ABCC2: variants seen among roughly 807,000 people sequenced by gnomAD.
The protein encoded by ABCC2 is ATP binding cassette subfamily C member 2.
In ABCC2, 157 loss-of-function variants were observed where a neutral mutation model predicts 173.4. That is an observed-to-expected ratio of 0.91 (90% CI 0.80 to 1.03). The LOEUF (loss-of-function observed/expected upper bound fraction) is 1.03, where lower values mean the gene tolerates loss of function less well. ABCC2 is among the 50% of genes least tolerant of loss of function. The pLI is 0.00. For missense variants in ABCC2, 1,822 were observed against 1,852.3 expected (o/e 0.98, Z 0.30); for synonymous variants, 657 against 693.5 (o/e 0.95, Z 0.83).
In ABCC2 at chr10:99,845,724, T is replaced by C. The variant is rs571273081; in HGVS notation, c.4088T>C (p.Val1363Ala). The C allele has an allele frequency of 2.7e-5, 44 of 1,612,562 alleles. No homozygotes were observed. The Admixed American group carries it at 4.8e-4, about 18-fold the overall frequency. The change falls in exon 29 of 32, where the codon GTA becomes GCA. Residue 1363 changes from valine (V) to alanine (A), a missense_variant. Physicochemically the swap from Val to Ala is moderately conservative, Grantham distance 64. Transcript: ENST00000647814. ...GGTGGTCAGATTATCATTGATGGAG[T>C]AGATATTGCTTCCATTGGGCTCCAC... The part of the protein sequence containing the change: ...AAGGQIIIDG[V>A]DIASIGLHDL...
chr10:99,824,780 G>A (rs368500889), intron 19 of ABCC2, among the ~76,000 whole-genome samples: 12 of 151,690 alleles, frequency 7.9e-5, no homozygotes, highest in Middle Eastern at 3.4e-3. Context: ...CGGCGTTTAC[G>A]GCCCTTAAGT....
At position 99,832,227 on chromosome 10, in the gene ABCC2, G is replaced by A. The variant is rs570076654; in HGVS notation, c.3258+96G>A. The A allele has an allele frequency of 4.7e-6, 7 of 1,488,760 alleles. No homozygotes were observed. The East Asian group carries it at 1.4e-4, about 30-fold the overall frequency. 92.2% of individuals were successfully genotyped at this position (1,488,760 alleles called of 1,614,324 possible). On this transcript the variant is annotated intron_variant, in intron 23 of 31. Transcript: ENST00000647814. ...ATGTCCCCCTAGACAACACTGTTCA[G>A]TTCCAGTTCTTTTGTCACTCAACAT...
intron 19 of ABCC2, among the ~76,000 whole-genome samples, chr10:99,823,928 G>A (rs200110630): frequency 9.2e-3 from 812 of 88,242 alleles, no homozygotes; most frequent in East Asian, 0.019. Flanking sequence ...TTTGATCCAA[G>A]TACAATGTAA....
chr10:99,848,799 C>T (rs992978374), intron 30 of ABCC2, among the ~76,000 whole-genome samples: 7 of 152,110 alleles, frequency 4.6e-5, no homozygotes, highest in Non-Finnish European at 1.0e-4. Flanking sequence ...TAGTGTGTAG[C>T]CCCAGGGAAC....
chr10:99,819,387 G>C, intron 19 of ABCC2, 118 bp downstream of exon 19: 1 of 1,010,142 alleles, frequency 9.9e-7, no homozygotes. Flanking sequence ...AAACTACCCA[G>C]AGATTCAAAC....
rs752688969 is a variant in ABCC2 at position 99,784,643 on chromosome 10, G to T, written c.69G>T (p.Leu23=). 1 of 1,614,192 alleles carries T rather than the reference G, an allele frequency of 6.2e-7. No individual in the cohort carries two copies. The highest frequency in any genetic ancestry group is 1.7e-5 in the Admixed American group (1 of 60,026). The stretch of plus-strand genomic sequence containing the variant: ...TCCTGGACAGTCCGGAGGCAGACCT[G>T]CCACTTTGTTTTGAGCAAACTGTTC... ...SSFLDSPEAD[L]PLCFEQTVLV... The change falls in exon 2 of 32, where the codon CTG becomes CTT. Residue 23 remains leucine, a synonymous_variant. Coordinates refer to ENST00000647814, the MANE Select transcript of ABCC2 (RefSeq NM_000392.5).
intron 1 of ABCC2, among the ~76,000 whole-genome samples, chr10:99,784,221 A>G (rs1590133500): frequency 6.6e-6 from 1 of 152,148 alleles, no homozygotes; most frequent in Non-Finnish European, 1.5e-5. Context: ...TCTGCCAGTG[A>G]GTTCAGTTAG....
chr10:99,832,437 G>T (rs545930978), intron 23 of ABCC2, among the ~76,000 whole-genome samples: 1 of 150,670 alleles, frequency 6.6e-6, no homozygotes, highest in African/African-American at 2.4e-5. Flanking sequence ...GGAGTACAAA[G>T]GAAAAAAAGG....
chr10:99,832,460 C>T (rs927979381), intron 23 of ABCC2, among the ~76,000 whole-genome samples: 1 of 152,246 alleles, frequency 6.6e-6, no homozygotes, highest in Admixed American at 6.5e-5. Context: ...CTAGCCCAGC[C>T]TGCGTGATAA....
At chr10:99,793,212 C>T (rs1325111716) in intron 3 of ABCC2, among the ~76,000 whole-genome samples, 1 of 152,218 alleles carries the variant, frequency 6.6e-6, no homozygotes, top group Admixed American at 6.5e-5. Flanking sequence ...GCCTTCCGAC[C>T]TTACTACTGC....
At chr10:99,836,063 T>G in intron 24 of ABCC2, 28 bp from the exon 25 acceptor site, 1 of 1,611,270 alleles carries the variant, frequency 6.2e-7, no homozygotes, top group Non-Finnish European at 8.5e-7. Flanking sequence ...ACTGCGGGAC[T>G]GGCTGATTCT....
chr10:99,829,326 G>C (rs1432019435), intron 19 of ABCC2, among the ~76,000 whole-genome samples: 1 of 152,140 alleles, frequency 6.6e-6, no homozygotes, highest in Non-Finnish European at 1.5e-5. Context: ...GACAGAAATA[G>C]GGTAAGTTAA....
In ABCC2 at chr10:99,819,263, G is replaced by A; in HGVS notation, c.2614G>A (p.Ala872Thr). ...FLRHTGPEEE[A>T]TVHDGSEEED... ...AAGACATACAGGCCCTGAAGAGGAAGCCACAGGTATGTAAGAAGGATTGGG... is the reference window on the plus strand; with the variant it reads ...AAGACATACAGGCCCTGAAGAGGAAACCACAGGTATGTAAGAAGGATTGGG... The change falls in exon 19 of 32, where the codon GCC (alanine) becomes ACC (threonine). Residue 872 changes from alanine (A) to threonine (T), a missense_variant. By Grantham distance (58) the Ala-to-Thr change is moderately conservative. Coordinates refer to ENST00000647814, the MANE Select transcript of ABCC2 (RefSeq NM_000392.5). 6.2e-7 allele frequency: 1 copy of A among 1,613,408 alleles called. No individual in the cohort carries two copies. Among genetic ancestry groups the A allele is most frequent in the Non-Finnish European group, 8.5e-7 (1 of 1,179,928 alleles).
rs371733435 is a variant in ABCC2 at position 99,850,732 on chromosome 10, G to A, written c.4444G>A (p.Glu1482Lys). ...DNLIQTTIQN[E>K]FAHCTVITIA... ...CCTCATTCAGACGACCATCCAAAAC[G>A]AGTTCGCCCACTGCACAGTGATCAC... The change falls in exon 31 of 32, where the codon GAG becomes AAG. Residue 1482 changes from glutamate (E) to lysine (K), a missense_variant. Glu to Lys is a moderately conservative substitution (Grantham distance 56). Transcript: ENST00000647814. 9.9e-6 allele frequency: 16 copies of A among 1,614,176 alleles called. No individual in the cohort carries two copies. Among genetic ancestry groups the A allele is most frequent in the African/African-American group, 5.3e-5 (4 of 75,048 alleles).
At chr10:99,825,683 C>T (rs1490386159) in intron 19 of ABCC2, among the ~76,000 whole-genome samples, 2 of 152,214 alleles carry the variant, frequency 1.3e-5, no homozygotes, top group East Asian at 3.8e-4. Context: ...AATTTGAACT[C>T]CTTTTAGATT....
chr10:99,814,532 CACATATACACACACATATGTGTAT>C (rs2038334674), intron 16 of ABCC2, among the ~76,000 whole-genome samples: 1 of 105,680 alleles, frequency 9.5e-6, no homozygotes, highest in Admixed American at 9.3e-5. Context: ...CATATATATA[CACATATACACACACATATGTGTAT>C]ATACACATAT....
chr10:99,845,793 G>A lies in ABCC2; in HGVS notation c.4146+11G>A. On this transcript the variant is annotated intron_variant, in intron 29 of 31. Coordinates refer to ENST00000647814, the MANE Select transcript of ABCC2 (RefSeq NM_000392.5). ...ACCATCATCCCCCAGGTGAGCTCTA[G>A]AACTTACTCGGGCACATGCCGTGGG... 1 of 1,606,546 alleles carries A rather than the reference G, an allele frequency of 6.2e-7. No individual in the cohort carries two copies. The highest frequency in any genetic ancestry group is 1.1e-5 in the South Asian group (1 of 89,652).
chr10:99,823,367 A>C (rs2038573108), intron 19 of ABCC2, among the ~76,000 whole-genome samples: 1 of 152,184 alleles, frequency 6.6e-6, no homozygotes, highest in South Asian at 2.1e-4. Flanking sequence ...CTCGAATATG[A>C]GTAATATAAA....
chr10:99,828,597 ATGTT>A (rs773290979), intron 19 of ABCC2, among the ~76,000 whole-genome samples: 5 of 152,062 alleles, frequency 3.3e-5, no homozygotes, highest in Non-Finnish European at 5.9e-5. Flanking sequence ...TTCTTCCTAT[ATGTT>A]TGTTTCATTT....
Sources: allele counts gnomAD v4.1 joint callset (sites outside exome capture counted in the v4.1 genomes callset), GRCh38; gene constraint gnomAD v4.1.1; transcripts MANE v1.5; gene names NCBI Gene and HGNC (gene_info 2026-07-23, HGNC 2026-07-21).